MAPK14: variants seen among roughly 807,000 people sequenced by gnomAD.
The protein encoded by MAPK14 is CSAID-binding protein.
In MAPK14, 16 loss-of-function variants were observed where a neutral mutation model predicts 49.6. The observed-to-expected ratio is 0.32, with a 90% CI of 0.22 to 0.49. The LOEUF (loss-of-function observed/expected upper bound fraction) is 0.49. Among genes scored for constraint, MAPK14 ranks in the 20% least tolerant of loss-of-function variants. The pLI, the probability that MAPK14 is intolerant of heterozygous loss-of-function variation, is 0.99. For missense variants in MAPK14, 200 were observed against 441.2 expected (o/e 0.45, Z 4.90); for synonymous variants, 142 against 158.0 (o/e 0.90, Z 0.76).
chr6:36,058,773 G>GCAT (rs1457929891), intron 2 of MAPK14, among the ~76,000 whole-genome samples: 1 of 151,998 alleles, frequency 6.6e-6, no homozygotes, highest in Non-Finnish European at 1.5e-5. Context: ...GGTGGCACGT[G>GCAT]CTTATAGTCC....
At chr6:36,070,159 T>C (rs114141572) in intron 3 of MAPK14, among the ~76,000 whole-genome samples, 1 of 152,318 alleles carries the variant, frequency 6.6e-6, no homozygotes, top group Non-Finnish European at 1.5e-5. Context: ...GTATTGAGAA[T>C]TACTAAGGAA....
At chr6:36,092,107 C>A in intron 8 of MAPK14, 1 of 513,928 alleles carries the variant, frequency 1.9e-6, no homozygotes, top group Non-Finnish European at 3.9e-6. Flanking sequence ...AGCATCGAGT[C>A]CCTGCAGCAG....
At chr6:36,040,474 A>G (rs1357693944) in intron 1 of MAPK14, among the ~76,000 whole-genome samples, 1 of 152,194 alleles carries the variant, frequency 6.6e-6, no homozygotes, top group Admixed American at 6.5e-5. Flanking sequence ...CTGCATTATA[A>G]ATTGGGCCTC....
intron 3 of MAPK14, among the ~76,000 whole-genome samples, chr6:36,069,709 T>G (rs781268303): frequency 6.8e-5 from 10 of 146,970 alleles, no homozygotes; most frequent in Non-Finnish European, 1.2e-4. Flanking sequence ...GCTCTTTCCC[T>G]CTCTCTCTCT....
At chr6:36,123,281 GT>G in the MAPK14 span, among the ~76,000 whole-genome samples, 1 of 152,190 alleles carries the variant, frequency 6.6e-6, no homozygotes, top group Non-Finnish European at 1.5e-5. Flanking sequence ...TCAGATTCAG[GT>G]TGTACACTCT....
rs201430360 is a variant in MAPK14, at chr6:36,108,504, G to A, written c.*57G>A. The A allele has an allele frequency of 2.1e-4, 287 of 1,349,724 alleles. No homozygotes were observed. The highest frequency in any genetic ancestry group is 2.7e-4 in the Non-Finnish European group (254 of 939,276). 83.6% of individuals were successfully genotyped at this position (1,349,724 alleles called of 1,614,324 possible). A position where few individuals can be genotyped will look rare whatever the true frequency, so the allele number is the denominator to read the frequency against. On this transcript the variant is annotated 3_prime_UTR_variant, in exon 12 of 12. Transcript: ENST00000229794. ...CACTGTGAGGGGAAGGCCTTTTCAC[G>A]GGAACTCTCCAAATATTATTCAAGT...
intron 5 of MAPK14, 45 bp from the exon 6 acceptor site, chr6:36,074,004 A>T: frequency 7.2e-7 from 1 of 1,388,978 alleles, no homozygotes; most frequent in Admixed American, 1.7e-5. Flanking sequence ...AGAATTGATC[A>T]TGCATCATAA....
intron 8 of MAPK14, chr6:36,092,537 A>G: frequency 2.0e-6 from 1 of 509,954 alleles, no homozygotes. Context: ...TACCAATAGG[A>G]GCCATGTATG....
intron 1 of MAPK14, among the ~76,000 whole-genome samples, chr6:36,034,889 C>A (rs1437889509): frequency 1.4e-5 from 2 of 140,946 alleles, no homozygotes; most frequent in Admixed American, 7.2e-5. Context: ...CGCAATATTT[C>A]TTTCTTTCTT....
chr6:36,037,164 A>C (rs1762785626), intron 1 of MAPK14, among the ~76,000 whole-genome samples: 1 of 152,142 alleles, frequency 6.6e-6, no homozygotes, highest in South Asian at 2.1e-4. Context: ...GAAACCAAAA[A>C]ATTTATGTCA....
chr6:36,100,722 A>C (rs1765606208), intron 9 of MAPK14, among the ~76,000 whole-genome samples: 1 of 152,230 alleles, frequency 6.6e-6, no homozygotes, highest in Non-Finnish European at 1.5e-5. Flanking sequence ...GAAAATACAC[A>C]AATAATATAG....
At chr6:36,059,033 G>T (rs1350282801) in intron 2 of MAPK14, among the ~76,000 whole-genome samples, 1 of 151,960 alleles carries the variant, frequency 6.6e-6, no homozygotes, top group Non-Finnish European at 1.5e-5. Context: ...GGGATTACAG[G>T]CGCCCGCCAC....
chr6:36,114,239 T>C (rs1766022082), downstream of MAPK14, among the ~76,000 whole-genome samples: 1 of 152,186 alleles, frequency 6.6e-6, no homozygotes, highest in African/African-American at 2.4e-5. Context: ...AATCTAACAC[T>C]TCATCCCTCC....
chr6:36,046,613 A>G (rs1048097078), intron 1 of MAPK14, among the ~76,000 whole-genome samples: 55 of 152,316 alleles, frequency 3.6e-4, no homozygotes, highest in African/African-American at 1.3e-3. Context: ...TAAAATCCAG[A>G]TAGTCTAATT....
At chr6:36,095,940 T>C in intron 8 of MAPK14, 47 bp from the exon 9 acceptor site, 1 of 1,191,808 alleles carries the variant, frequency 8.4e-7, no homozygotes, top group Non-Finnish European at 1.2e-6. Flanking sequence ...TTGTTTGTTT[T>C]TCATTTTTAT....
At chr6:36,085,092 A>C (rs1287415687) in intron 8 of MAPK14, among the ~76,000 whole-genome samples, 2 of 152,236 alleles carry the variant, frequency 1.3e-5, no homozygotes, top group Non-Finnish European at 2.9e-5. Flanking sequence ...CAAAGAAGAA[A>C]TAAAATCCTT....
the MAPK14 span, among the ~76,000 whole-genome samples, chr6:36,122,920 C>T: frequency 6.6e-6 from 1 of 152,150 alleles, no homozygotes; most frequent in Non-Finnish European, 1.5e-5. Context: ...CACAGGAGTA[C>T]AAGCACGCTT....
chr6:36,041,762 A>T (rs9380543), intron 1 of MAPK14, among the ~76,000 whole-genome samples: 10 of 152,212 alleles, frequency 6.6e-5, no homozygotes, highest in Admixed American at 6.5e-4. Context: ...AGTTTGAAAT[A>T]TATAGGTATA....
chr6:36,093,249 A>G (rs1331567371), intron 8 of MAPK14, among the ~76,000 whole-genome samples: 1 of 152,146 alleles, frequency 6.6e-6, no homozygotes, highest in African/African-American at 2.4e-5. Context: ...TTGATTCTTC[A>G]GGCCTGATAT....
Sources: allele counts gnomAD v4.1 joint callset (sites outside exome capture counted in the v4.1 genomes callset), GRCh38; gene constraint gnomAD v4.1.1; transcripts MANE v1.5; gene names NCBI Gene and HGNC (gene_info 2026-07-23, HGNC 2026-07-21).